Variants in GARNL3 observed in about 807,000 individuals in gnomAD.
GARNL3 encodes GTPase-activating Rap/Ran-GAP domain-like protein 3.
A neutral mutation model predicts 125.0 loss-of-function variants in GARNL3; 63 were observed. The ratio of observed to expected loss-of-function variants is 0.50; its 90% CI spans 0.41 to 0.62. GARNL3 has a LOEUF of 0.62. Among genes scored for constraint, GARNL3 ranks in the 20% least tolerant of loss-of-function variants. The probability of loss-of-function intolerance (pLI) is 0.00; values close to 1 mark genes in which losing one functional copy is unlikely to be tolerated. For synonymous variants in GARNL3, 439 were observed against 457.5 expected, an observed-to-expected ratio of 0.96 and a Z score of 0.52; for missense variants, 994 against 1,244.0, an observed-to-expected ratio of 0.80 and a Z score of 3.02.
At chr9:127,374,871 A>C (rs1479681130) in intron 22 of GARNL3, among the ~76,000 whole-genome samples, 1 of 150,846 alleles carries the variant, frequency 6.6e-6, no homozygotes, top group Non-Finnish European at 1.5e-5. Context: ...GCCAGAGTTC[A>C]AGATTAGCCT....
At chr9:127,268,961 T>C (rs1415237222) in intron 1 of GARNL3, among the ~76,000 whole-genome samples, 2 of 152,196 alleles carry the variant, frequency 1.3e-5, no homozygotes, top group Non-Finnish European at 1.5e-5. Flanking sequence ...TTCCGTTGTA[T>C]TGATACACCA....
chr9:127,340,743 A>G (rs995849165), intron 13 of GARNL3, among the ~76,000 whole-genome samples: 1 of 150,236 alleles, frequency 6.7e-6, no homozygotes, highest in Non-Finnish European at 1.5e-5. Flanking sequence ...GTGTTACCCA[A>G]CCTCCAATCT....
chr9:127,346,858 A>G (rs902380638), intron 16 of GARNL3, among the ~76,000 whole-genome samples: 2 of 152,144 alleles, frequency 1.3e-5, no homozygotes, highest in African/African-American at 4.8e-5. Context: ...AGCTGTGGTC[A>G]TGTTCTTAGA....
intron 2 of GARNL3, among the ~76,000 whole-genome samples, chr9:127,298,998 C>A (rs2064694887): frequency 6.6e-6 from 1 of 152,006 alleles, no homozygotes; most frequent in Admixed American, 6.6e-5. Flanking sequence ...GTCTACAGGG[C>A]TTTTCCAAAA....
At chr9:127,331,035 C>T (rs576144377) in intron 7 of GARNL3, among the ~76,000 whole-genome samples, 29 of 152,232 alleles carry the variant, frequency 1.9e-4, no homozygotes, top group Admixed American at 3.3e-4. Flanking sequence ...ATCTTTGTCC[C>T]TTGTCTACCC....
chr9:127,332,200 C>G (rs994837784), intron 7 of GARNL3, 74 bp from the exon 8 acceptor site: 1 of 1,106,204 alleles, frequency 9.0e-7, no homozygotes, highest in African/African-American at 1.5e-5. Flanking sequence ...TGCTAAGTCA[C>G]GAACAGCCCA....
intron 17 of GARNL3, among the ~76,000 whole-genome samples, chr9:127,350,660 C>A (rs1830378236): frequency 6.6e-6 from 1 of 151,832 alleles, no homozygotes; most frequent in Non-Finnish European, 1.5e-5. Context: ...CCTGTAGTCC[C>A]AGCTGCTCAG....
At chr9:127,277,859 C>T (rs1486117657) in intron 1 of GARNL3, among the ~76,000 whole-genome samples, 1 of 152,098 alleles carries the variant, frequency 6.6e-6, no homozygotes, top group Non-Finnish European at 1.5e-5. Context: ...CAATTGTTTG[C>T]ATTTCTCTAT....
At chr9:127,241,305 AAAAAAG>A (rs1221452760) in intron 1 of GARNL3, among the ~76,000 whole-genome samples, 2 of 152,200 alleles carry the variant, frequency 1.3e-5, no homozygotes, top group Non-Finnish European at 2.9e-5. Flanking sequence ...CAAAAGAAAA[AAAAAAG>A]AAAATGTCTC....
intron 24 of GARNL3, among the ~76,000 whole-genome samples, chr9:127,386,763 C>A (rs1033670806): frequency 6.6e-6 from 1 of 152,244 alleles, no homozygotes; most frequent in Non-Finnish European, 1.5e-5. Flanking sequence ...CAGCGCATCA[C>A]GGGTGTGCCT....
chr9:127,301,011 A>C (rs1036665632), intron 2 of GARNL3: 1 of 176,092 alleles, frequency 5.7e-6, no homozygotes, highest in African/African-American at 2.4e-5. Context: ...TCCCTCTGCT[A>C]TTGCCAGTTG....
chr9:127,237,362 A>T (rs2063131238), intron 1 of GARNL3, among the ~76,000 whole-genome samples: 1 of 152,204 alleles, frequency 6.6e-6, no homozygotes, highest in Non-Finnish European at 1.5e-5. Flanking sequence ...AACAATGCTT[A>T]TATCCTCTCT....
chr9:127,263,484 G>A (rs984796264), upstream of GARNL3, among the ~76,000 whole-genome samples: 7 of 152,206 alleles, frequency 4.6e-5, no homozygotes, highest in African/African-American at 1.7e-4. Flanking sequence ...TCTCACTGGA[G>A]CGGCCAGTGA....
At position 127,393,409 on chromosome 9, in the gene GARNL3, T is replaced by C. The variant is rs1410684736; in HGVS notation, c.*155T>C. 3.7e-6 allele frequency: 2 copies of C among 542,990 alleles called. No individual in the cohort carries two copies. The highest frequency in any genetic ancestry group is 3.2e-6 in the Non-Finnish European group (1 of 309,858). The allele number at this position is 542,990 out of a possible 1,614,324, so 33.6% of individuals were successfully genotyped here. On this transcript the variant is annotated 3_prime_UTR_variant, in exon 28 of 28. Coordinates refer to ENST00000373387, the MANE Select transcript of GARNL3 (RefSeq NM_032293.5). ...CACACTCGGCCAGTTCCCTCTCCAA[T>C]GTCCGGTGCCATCTTTCCTGACCTT...
chr9:127,357,431 G>C, intron 21 of GARNL3, 54 bp downstream of exon 21: 1 of 1,550,220 alleles, frequency 6.5e-7, no homozygotes, highest in Non-Finnish European at 8.8e-7. Context: ...AATCATCGTT[G>C]TGTATTCTAA....
At chr9:127,347,923 A>G (rs762657823) in intron 16 of GARNL3, among the ~76,000 whole-genome samples, 1 of 152,156 alleles carries the variant, frequency 6.6e-6, no homozygotes, top group African/African-American at 2.4e-5. Flanking sequence ...TTTCTAAGAG[A>G]GCAGTAACAC....
chr9:127,231,234 T>TG (rs1467713218), intron 1 of GARNL3, among the ~76,000 whole-genome samples: 22 of 138,932 alleles, frequency 1.6e-4, no homozygotes, highest in South Asian at 4.5e-4. Context: ...TTTTGTTTTT[T>TG]TTTTTTTTTT....
chr9:127,372,857 A>G (rs775378347), intron 22 of GARNL3, among the ~76,000 whole-genome samples: 4 of 152,242 alleles, frequency 2.6e-5, no homozygotes, highest in Non-Finnish European at 4.4e-5. Context: ...TAACATTTGA[A>G]TATACTTCCC....
intron 2 of GARNL3, among the ~76,000 whole-genome samples, chr9:127,297,993 A>T (rs979391781): frequency 6.6e-6 from 1 of 152,222 alleles, no homozygotes; most frequent in Non-Finnish European, 1.5e-5. Flanking sequence ...TCTGTTGAGC[A>T]TGGGTGTGTA....
Sources: allele counts gnomAD v4.1 joint callset (sites outside exome capture counted in the v4.1 genomes callset), GRCh38; gene constraint gnomAD v4.1.1; transcripts MANE v1.5; gene names NCBI Gene and HGNC (gene_info 2026-07-23, HGNC 2026-07-21).